The following PIP4K2A variants were observed in gnomAD, a reference collection of about 807,000 sequenced individuals.
PIP4K2A encodes the protein phosphatidylinositol-5-phosphate 4-kinase type 2 alpha.
Under a neutral mutation model 42.9 loss-of-function variants are expected in PIP4K2A, and 14 were observed. The ratio of observed to expected loss-of-function variants is 0.33; its 90% CI spans 0.22 to 0.51. The LOEUF (loss-of-function observed/expected upper bound fraction) is 0.51. Ranked by LOEUF, PIP4K2A falls within the 20% of genes least tolerant of loss-of-function variation. PIP4K2A has a pLI of 0.97. For synonymous variants in PIP4K2A, 192 were observed against 192.2 expected (o/e 1.00, Z 0.01); for missense variants, 434 against 519.8 (o/e 0.83, Z 1.61).
chr10:22,539,913 G>T (rs1482320179), intron 9 of PIP4K2A, 58 bp downstream of exon 9: 2 of 353,640 alleles, frequency 5.7e-6, no homozygotes, highest in African/African-American at 6.8e-5. Context: ...GAGAGAGAGG[G>T]AGAGAGAGAG....
chr10:22,680,795 A>G (rs888775514), intron 1 of PIP4K2A, among the ~76,000 whole-genome samples: 4 of 152,228 alleles, frequency 2.6e-5, no homozygotes, highest in African/African-American at 7.2e-5. Flanking sequence ...AGTGAAGGAC[A>G]TGCCATCCCA....
chr10:22,540,910 A>G (rs1836090436), intron 8 of PIP4K2A, among the ~76,000 whole-genome samples: 1 of 152,224 alleles, frequency 6.6e-6, no homozygotes, highest in African/African-American at 2.4e-5. Flanking sequence ...AGTACATTTG[A>G]CTATCTAATT....
Position 22,697,730 on chromosome 10 carries a change from A to AAAATTTTCC in PIP4K2A, c.144+16452_144+16453insGGAAAATTT, listed in dbSNP as rs879489726. ...AACAGGGCAAAACTGCATCTCGGAA[A>AAAATTTTCC]ATTTTTTAAAAAATTAAACACACAC... On this transcript the variant is annotated intron_variant, in intron 1 of 9. Transcript: ENST00000376573. Among the ~76,000 whole-genome samples the AAAATTTTCC allele has an allele frequency of 6.7e-3, 1,019 of 152,162 alleles. 12 individuals are homozygous for AAAATTTTCC. The highest frequency in any genetic ancestry group is 0.023 in the African/African-American group (944 of 41,504).
chr10:22,627,630 A>AAG (rs1838474234), intron 1 of PIP4K2A, among the ~76,000 whole-genome samples: 3 of 118,134 alleles, frequency 2.5e-5, no homozygotes, highest in African/African-American at 3.3e-5. Flanking sequence ...AAAAAAAAAA[A>AAG]AGATAAGGAA....
At chr10:22,600,088 A>T (rs935533497) in intron 3 of PIP4K2A, among the ~76,000 whole-genome samples, 1 of 152,122 alleles carries the variant, frequency 6.6e-6, no homozygotes, top group South Asian at 2.1e-4. Flanking sequence ...TCTCTCTCTC[A>T]TAAAAGTGTC....
chr10:22,607,290 T>C (rs534159699), intron 3 of PIP4K2A, among the ~76,000 whole-genome samples: 1 of 152,202 alleles, frequency 6.6e-6, no homozygotes, highest in Non-Finnish European at 1.5e-5. Context: ...AAAGTTAGAA[T>C]GAAGGACCAG....
At chr10:22,547,097 T>C (rs1836273826) in intron 7 of PIP4K2A, among the ~76,000 whole-genome samples, 1 of 152,218 alleles carries the variant, frequency 6.6e-6, no homozygotes, top group African/African-American at 2.4e-5. Context: ...TTGAGATCTT[T>C]ACGAGTCTAA....
intron 1 of PIP4K2A, among the ~76,000 whole-genome samples, chr10:22,700,571 C>T (rs552832264): frequency 9.1e-4 from 138 of 152,248 alleles, no homozygotes; most frequent in African/African-American, 3.2e-3. Flanking sequence ...CTCCTCTGTG[C>T]GGACAACTCA....
At chr10:22,585,568 T>C (rs1837374466) in intron 4 of PIP4K2A, among the ~76,000 whole-genome samples, 1 of 152,100 alleles carries the variant, frequency 6.6e-6, no homozygotes, top group South Asian at 2.1e-4. Flanking sequence ...TTCTAAGTCC[T>C]ATACAACTTC....
intron 1 of PIP4K2A, among the ~76,000 whole-genome samples, chr10:22,665,958 A>G (rs576016398): frequency 1.3e-5 from 2 of 152,142 alleles, no homozygotes; most frequent in Admixed American, 6.5e-5. Context: ...ATATATATTA[A>G]TTTTGATTAC....
chr10:22,551,256 TA>T (rs1297757523), intron 6 of PIP4K2A, among the ~76,000 whole-genome samples: 1 of 152,160 alleles, frequency 6.6e-6, no homozygotes, highest in Non-Finnish European at 1.5e-5. Context: ...GCTCTATCCA[TA>T]ATCATATCTA....
chr10:22,584,081 G>A (rs189044415), intron 4 of PIP4K2A, among the ~76,000 whole-genome samples: 98 of 152,312 alleles, frequency 6.4e-4, no homozygotes, highest in Non-Finnish European at 1.1e-3. Context: ...TCATCATCTG[G>A]TTGGGCAAGT....
chr10:22,541,996 C>T lies in PIP4K2A; in HGVS notation c.844G>A (p.Asp282Asn), dbSNP rs769294662. ...MDYSLLVGIH[D>N]VERAEQEEVE... ...TCCTCCTGTTCGGCTCTCTCCACATCATGAATTCCCACCAGCAGACTGTAG... is the reference window on the plus strand; with the variant it reads ...TCCTCCTGTTCGGCTCTCTCCACATTATGAATTCCCACCAGCAGACTGTAG... The change falls in exon 8 of 10, where the codon GAT becomes AAT. Residue 282 changes from aspartate (D) to asparagine (N), a missense_variant. Physicochemically the swap from Asp to Asn is conservative, Grantham distance 23 (BLOSUM62 1). This residue lies in a region of PIP4K2A where 395 missense variants were observed against 444.5 expected (regional missense o/e 0.89). Coordinates refer to ENST00000376573, the MANE Select transcript of PIP4K2A (RefSeq NM_005028.5). 1.2e-6 allele frequency: 2 copies of T among 1,613,890 alleles called. No individual in the cohort carries two copies. The highest frequency in any genetic ancestry group is 2.2e-5 in the East Asian group (1 of 44,870).
chr10:22,620,716 G>A (rs1374686913), intron 1 of PIP4K2A, among the ~76,000 whole-genome samples: 2 of 152,214 alleles, frequency 1.3e-5, no homozygotes, highest in African/African-American at 4.8e-5. Flanking sequence ...ACACCCTCCA[G>A]CTGGGCACAG....
At chr10:22,625,758 A>G (rs975696174) in intron 1 of PIP4K2A, among the ~76,000 whole-genome samples, 3 of 152,250 alleles carry the variant, frequency 2.0e-5, no homozygotes, top group Admixed American at 2.0e-4. Flanking sequence ...CCACGACAAC[A>G]GCATTCACGC....
At chr10:22,642,920 CA>C (rs1294966401) in intron 1 of PIP4K2A, among the ~76,000 whole-genome samples, 1 of 152,168 alleles carries the variant, frequency 6.6e-6, no homozygotes, top group Non-Finnish European at 1.5e-5. Context: ...TCTCTGATTA[CA>C]TCTTAAGTCT....
chr10:22,541,205 G>T (rs1230343614), intron 8 of PIP4K2A, among the ~76,000 whole-genome samples: 4 of 152,168 alleles, frequency 2.6e-5, no homozygotes, highest in African/African-American at 7.2e-5. Context: ...GCCCTTCCAT[G>T]GGGGAGGACA....
intron 1 of PIP4K2A, among the ~76,000 whole-genome samples, chr10:22,641,370 T>A (rs115636691): frequency 6.6e-6 from 1 of 152,212 alleles, no homozygotes; most frequent in African/African-American, 2.4e-5. Context: ...CACGCTGACA[T>A]TGACATAAGA....
At chr10:22,605,126 G>A (rs951034523) in intron 3 of PIP4K2A, among the ~76,000 whole-genome samples, 1 of 152,030 alleles carries the variant, frequency 6.6e-6, no homozygotes, top group East Asian at 1.9e-4. Context: ...AGAAATATAC[G>A]ACTGAGGAGG....
Sources: allele counts gnomAD v4.1 joint callset (sites outside exome capture counted in the v4.1 genomes callset), GRCh38; gene constraint gnomAD v4.1.1; regional missense constraint gnomAD v4.1.1; transcripts MANE v1.5; gene names NCBI Gene and HGNC (gene_info 2026-07-23, HGNC 2026-07-21).